Variants in CENATAC observed in about 807,000 individuals in gnomAD.
The protein encoded by CENATAC is centrosomal AT-AC splicing factor, also known as coiled-coil domain containing 84.
A neutral mutation model predicts 53.7 loss-of-function variants in CENATAC; 53 were observed. The observed-to-expected ratio is 0.99, with a 90% CI of 0.79 to 1.24. CENATAC has a LOEUF of 1.24. Ranked by LOEUF, CENATAC falls within the 50% of genes most tolerant of loss-of-function variation. The pLI, the probability that CENATAC is intolerant of heterozygous loss-of-function variation, is 0.00. For missense variants in CENATAC, 474 were observed against 417.8 expected (o/e 1.13, Z -1.17); for synonymous variants, 156 against 144.6 (o/e 1.08, Z -0.57).
In CENATAC at chr11:119,015,705, T is replaced by C; in HGVS notation, c.*107T>C. 1 of 1,308,146 alleles carries C rather than the reference T, an allele frequency of 7.6e-7. No individual in the cohort carries two copies. Among genetic ancestry groups the C allele is most frequent in the Middle Eastern group, 1.9e-4 (1 of 5,308 alleles). 81.0% of individuals were successfully genotyped at this position (1,308,146 alleles called of 1,614,324 possible). On this transcript the variant is annotated 3_prime_UTR_variant, in exon 11 of 11. Transcript: ENST00000334418. ...TGTCTTTCTTAGGAAACAGACATAC[T>C]CATTCATTTGATTTAATAAAGTTTT...
intron 3 of CENATAC, among the ~76,000 whole-genome samples, chr11:119,006,259 G>A (rs1942592483): frequency 7.2e-6 from 1 of 138,956 alleles, no homozygotes; most frequent in African/African-American, 2.7e-5. Context: ...TTTTTGAGAT[G>A]GAGTCTTGTT....
intron 3 of CENATAC, among the ~76,000 whole-genome samples, chr11:119,002,491 A>G (rs1180538739): frequency 2.0e-5 from 3 of 151,694 alleles, no homozygotes; most frequent in Non-Finnish European, 4.4e-5. Context: ...GGCTTGTGCC[A>G]CTACGCCTGA....
At chr11:119,003,328 T>TA in intron 3 of CENATAC, 1 of 533,860 alleles carries the variant, frequency 1.9e-6, no homozygotes. Context: ...AGGCTAGTGA[T>TA]ACGCGGATCT....
rs551980589 is a variant in CENATAC at position 119,006,190 on chromosome 11, G to A, written c.384-4574G>A. On this transcript the variant is annotated intron_variant, in intron 3 of 10. Transcript: ENST00000334418. ...CAACCTCTGCCTCCCAGGTTCAAGC[G>A]ATTCTCTTGAGTAGCTGGGACTACA... Among the ~76,000 whole-genome samples, 13 of 141,858 alleles carry A rather than the reference G, an allele frequency of 9.2e-5. No individual in the cohort carries two copies. The South Asian group carries it at 2.7e-3, about 29-fold the overall frequency. 93.1% of individuals were successfully genotyped at this position (141,858 alleles called of 152,430 possible).
rs782811926 is a variant in CENATAC at position 119,010,739 on chromosome 11, G to A, written c.384-25G>A. 5 of 1,611,248 alleles carry A rather than the reference G, an allele frequency of 3.1e-6. No individual in the cohort carries two copies. In the Admixed American group the frequency reaches 5.0e-5, roughly 16 times the overall value. On this transcript the variant is annotated intron_variant, in intron 3 of 10. Coordinates refer to ENST00000334418, the MANE Select transcript of CENATAC (RefSeq NM_198489.3). ...TTAACTGGTGGGGAATGGGTTCTGG[G>A]TGGTTTTGCCCCTTTTCTTTTTAGA...
chr11:119,015,374 G>C lies in CENATAC; in HGVS notation c.873G>C (p.Arg291Ser), dbSNP rs1276105829. The C allele has an allele frequency of 6.2e-7, 1 of 1,614,202 alleles. No individual in the cohort carries two copies. Among genetic ancestry groups the C allele is most frequent in the Non-Finnish European group, 8.5e-7 (1 of 1,180,028 alleles). ...RVGANFDHSS[R>S]TSAGWLPSFG... ...GGGCCAACTTTGATCACAGCTCCAG[G>C]ACCAGTGCAGGCTGGCTGCCCTCTT... Residue 291 changes from arginine to serine, a missense_variant, in exon 10 of 11, where the codon AGG (arginine) becomes AGC (serine). Arg to Ser is a moderately radical substitution (Grantham distance 110, BLOSUM62 -1). Transcript: ENST00000334418.
intron 3 of CENATAC, among the ~76,000 whole-genome samples, chr11:119,007,702 G>T (rs1009575990): frequency 1.3e-5 from 2 of 152,018 alleles, no homozygotes; most frequent in Non-Finnish European, 2.9e-5. Flanking sequence ...GCCTGAGCTG[G>T]TCTCAAACTC....
chr11:119,013,106 A>G, intron 7 of CENATAC, 126 bp from the exon 8 acceptor site: 1 of 681,106 alleles, frequency 1.5e-6, no homozygotes, highest in Non-Finnish European at 2.6e-6. Flanking sequence ...GGGGTGCAGA[A>G]TTAGCATTGT....
intron 3 of CENATAC, among the ~76,000 whole-genome samples, chr11:119,007,215 G>A (rs1278947845): frequency 2.6e-5 from 4 of 151,926 alleles, no homozygotes; most frequent in East Asian, 1.9e-4. Flanking sequence ...AGAGAGTCTC[G>A]CTCTGTCACC....
chr11:119,010,613 G>A, intron 3 of CENATAC, 151 bp from the exon 4 acceptor site: 1 of 644,408 alleles, frequency 1.6e-6, no homozygotes, highest in Non-Finnish European at 2.7e-6. Context: ...ATGTTTACAA[G>A]GACTCTGGGT....
In CENATAC at chr11:119,014,974, A is replaced by AT; in HGVS notation, c.716-20_716-19insT. ...CTGAAGACTTAAAAAAAAAAAAAAA[A>AT]GCCTTAATTTTTTTTTCAGGTGCCA... On this transcript the variant is annotated intron_variant, in intron 8 of 10. Coordinates refer to ENST00000334418, the MANE Select transcript of CENATAC (RefSeq NM_198489.3). 50 of 1,459,308 alleles carry AT rather than the reference A, an allele frequency of 3.4e-5. No homozygotes were observed. Among genetic ancestry groups the AT allele is most frequent in the Non-Finnish European group, 4.3e-5 (46 of 1,065,718 alleles). 90.4% of individuals were successfully genotyped at this position (1,459,308 alleles called of 1,614,324 possible).
chr11:119,013,293 TG>T, intron 8 of CENATAC, 31 bp downstream of exon 8: 1 of 1,568,126 alleles, frequency 6.4e-7, no homozygotes, highest in Non-Finnish European at 8.7e-7. Flanking sequence ...TTTAAAACCC[TG>T]GGAGATTTTT....
Position 119,015,723 on chromosome 11 carries a change from A to ACCACC in CENATAC, c.*125_*126insCCACC. 1 of 1,296,146 alleles carries ACCACC rather than the reference A, an allele frequency of 7.7e-7. No individual in the cohort carries two copies. The highest frequency in any genetic ancestry group is 1.5e-5 in the African/African-American group (1 of 67,416). 80.3% of individuals were successfully genotyped at this position (1,296,146 alleles called of 1,614,324 possible). A position where few individuals can be genotyped will look rare whatever the true frequency, so the allele number is the denominator to read the frequency against. ...GACATACTCATTCATTTGATTTAATAAAGTTTTATTTTTCCAAATGTACAG... is the reference window on the plus strand; with the variant it reads ...GACATACTCATTCATTTGATTTAATACCACCAAGTTTTATTTTTCCAAATGTACAG... On this transcript the variant is annotated 3_prime_UTR_variant, in exon 11 of 11. Coordinates refer to ENST00000334418, the MANE Select transcript of CENATAC (RefSeq NM_198489.3).
At chr11:119,010,646 A>G (rs1942825340) in intron 3 of CENATAC, 118 bp from the exon 4 acceptor site, 3 of 856,558 alleles carry the variant, frequency 3.5e-6, no homozygotes, top group African/African-American at 1.7e-5. Context: ...GGTGCTTACT[A>G]TACTGTTTTG....
Position 119,007,766 on chromosome 11 carries a change from C to T in CENATAC, c.384-2998C>T, listed in dbSNP as rs1033879446. Among the ~76,000 whole-genome samples the T allele has an allele frequency of 3.9e-5, 6 of 152,302 alleles. 1 individual carries two copies. The South Asian group carries it at 1.0e-3, about 26-fold the overall frequency. Reference sequence around the variant, plus strand: ...CATCCCAAAGTGTTGAGATTACAGGCATGAGCCACTGTGCCCAGCCTAATT... The same window carrying T: ...CATCCCAAAGTGTTGAGATTACAGGTATGAGCCACTGTGCCCAGCCTAATT... On this transcript the variant is annotated intron_variant, in intron 3 of 10. Coordinates refer to ENST00000334418, the MANE Select transcript of CENATAC (RefSeq NM_198489.3).
In CENATAC at chr11:118,998,564, G is replaced by A; in HGVS notation, c.255G>A (p.Leu85=). Residue 85 remains leucine, a synonymous_variant, in exon 2 of 11, where the codon CTG becomes CTA. Coordinates refer to ENST00000334418, the MANE Select transcript of CENATAC (RefSeq NM_198489.3). ...EHLSHGNLTV[L]YGGLLEHLAS... ...TGAGCCATGGAAACCTGACGGTGCT[G>A]TACGGGGGGCTGCTGGAGCATCTGG... 1 of 1,577,912 alleles carries A rather than the reference G, an allele frequency of 6.3e-7. No homozygotes were observed. Among genetic ancestry groups the A allele is most frequent in the East Asian group, 2.3e-5 (1 of 42,978 alleles).
chr11:119,005,902 G>A (rs1217031690), intron 3 of CENATAC: 2 of 149,524 alleles, frequency 1.3e-5, no homozygotes, highest in African/African-American at 2.5e-5. Flanking sequence ...TTATTATTAT[G>A]TGCTTAGTCC....
intron 7 of CENATAC, 96 bp downstream of exon 7, chr11:119,012,350 TCCA>T (rs893688315): frequency 7.4e-7 from 1 of 1,349,088 alleles, no homozygotes; most frequent in African/African-American, 1.5e-5. Context: ...CACTGCTGCC[TCCA>T]CTGCAGGCTT....
chr11:119,003,361 A>T, intron 3 of CENATAC: 1 of 531,348 alleles, frequency 1.9e-6, no homozygotes. Context: ...GGCTGTGGAC[A>T]CCTTTCAACA....
Sources: gnomAD v4.1 joint callset for allele counts (sites outside exome capture counted in the v4.1 genomes callset) on GRCh38, gnomAD v4.1.1 for gene constraint, MANE v1.5 for transcripts, NCBI Gene and HGNC (gene_info 2026-07-23, HGNC 2026-07-21) for gene names.